ROBO1: variants seen among roughly 807,000 people sequenced by gnomAD.
The protein encoded by ROBO1 is roundabout guidance receptor 1.
A neutral mutation model predicts 195.9 loss-of-function variants in ROBO1; 149 were observed. The observed-to-expected ratio is 0.76, with a 90% CI of 0.67 to 0.87. ROBO1 has a LOEUF of 0.87. Among genes scored for constraint, ROBO1 ranks in the 40% least tolerant of loss-of-function variants. ROBO1 has a pLI of 0.00. For synonymous variants in ROBO1, 816 were observed against 733.2 expected, an observed-to-expected ratio of 1.11 and a Z score of -1.82; for missense variants, 1,933 against 2,068.3, an observed-to-expected ratio of 0.93 and a Z score of 1.27.
intron 2 of ROBO1, among the ~76,000 whole-genome samples, chr3:79,257,851 A>G (rs2082867097): frequency 6.6e-6 from 1 of 152,166 alleles, no homozygotes; most frequent in Admixed American, 6.5e-5. Context: ...TCCTAAACCA[A>G]AAATGATGAC....
intron 3 of ROBO1, among the ~76,000 whole-genome samples, chr3:79,021,612 T>C (rs929943046): frequency 6.6e-6 from 1 of 151,250 alleles, no homozygotes; most frequent in Non-Finnish European, 1.5e-5. Context: ...TCAACTTCAG[T>C]AAGCAACACC....
rs112492144 is a variant in ROBO1 at position 78,691,437 on chromosome 3, C to T, written c.1046-2665G>A. Among the ~76,000 whole-genome samples the T allele has an allele frequency of 2.9e-3, 438 of 152,182 alleles. 3 individuals carry two copies. The highest frequency in any genetic ancestry group is 9.8e-3 in the African/African-American group (409 of 41,526). ...ATTCTGCCATAGAAATTGGGTCATA[C>T]TATTTAAAAAAATTCATTTTAAGGA... On this transcript the variant is annotated intron_variant, in intron 8 of 30. Transcript: ENST00000464233.
At chr3:79,659,916 G>C (rs79696518) in intron 1 of ROBO1, among the ~76,000 whole-genome samples, 1 of 152,144 alleles carries the variant, frequency 6.6e-6, no homozygotes, top group African/African-American at 2.4e-5. Context: ...TGCTGCCAAA[G>C]ACACAACATG....
intron 3 of ROBO1, among the ~76,000 whole-genome samples, chr3:78,971,769 G>A (rs2076773610): frequency 1.3e-5 from 2 of 152,052 alleles, no homozygotes; most frequent in Non-Finnish European, 2.9e-5. Context: ...GTTGTTGTTT[G>A]TTTGTTTGTT....
chr3:78,980,990 T>C (rs1263486341), intron 3 of ROBO1, among the ~76,000 whole-genome samples: 1 of 152,180 alleles, frequency 6.6e-6, no homozygotes, highest in Non-Finnish European at 1.5e-5. Context: ...CAGTCATTCG[T>C]ATAAAACATG....
intron 1 of ROBO1, among the ~76,000 whole-genome samples, chr3:79,625,832 G>A (rs982214282): frequency 6.6e-6 from 1 of 152,132 alleles, no homozygotes; most frequent in African/African-American, 2.4e-5. Flanking sequence ...AATTGAAAAG[G>A]GGGGACGCCT....
At chr3:78,860,693 C>T (rs1403191664) in intron 4 of ROBO1, among the ~76,000 whole-genome samples, 2 of 152,112 alleles carry the variant, frequency 1.3e-5, no homozygotes, top group African/African-American at 4.8e-5. Context: ...TCGGCTCCAC[C>T]AGAGGTACAT....
intron 2 of ROBO1, among the ~76,000 whole-genome samples, chr3:79,512,234 C>T (rs772891100): frequency 4.6e-5 from 7 of 151,964 alleles, no homozygotes; most frequent in Admixed American, 3.9e-4. Context: ...CTACTTTATA[C>T]GTGAATATAG....
chr3:79,491,732 G>A (rs1939464311), intron 2 of ROBO1, among the ~76,000 whole-genome samples: 1 of 151,802 alleles, frequency 6.6e-6, no homozygotes, highest in Admixed American at 6.6e-5. Flanking sequence ...GAGGTAGGAA[G>A]ACGGGAAGAA....
chr3:79,219,344 T>C (rs541500003), intron 2 of ROBO1, among the ~76,000 whole-genome samples: 4 of 152,124 alleles, frequency 2.6e-5, no homozygotes, highest in Admixed American at 1.3e-4. Flanking sequence ...AATTATGATA[T>C]ATTAGTTGCA....
intron 3 of ROBO1, among the ~76,000 whole-genome samples, chr3:79,120,817 T>G (rs1057039096): frequency 6.6e-6 from 1 of 152,142 alleles, no homozygotes; most frequent in Non-Finnish European, 1.5e-5. Context: ...TGAAGCAGAC[T>G]CATCTAAGGA....
intron 8 of ROBO1, among the ~76,000 whole-genome samples, chr3:78,698,423 A>G (rs1005559652): frequency 6.6e-6 from 1 of 152,238 alleles, no homozygotes; most frequent in African/African-American, 2.4e-5. Flanking sequence ...TTAAGACATA[A>G]CAATAAAGAG....
intron 3 of ROBO1, among the ~76,000 whole-genome samples, chr3:79,005,344 G>A (rs2077596374): frequency 6.6e-6 from 1 of 152,154 alleles, no homozygotes; most frequent in African/African-American, 2.4e-5. Context: ...GCCCCTGATA[G>A]ATGTCTTACA....
intron 5 of ROBO1, among the ~76,000 whole-genome samples, chr3:78,734,540 G>A (rs768058080): frequency 1.3e-5 from 2 of 151,066 alleles, no homozygotes; most frequent in African/African-American, 2.4e-5. Flanking sequence ...CAGCCTGGAC[G>A]ACAGAGAGAT....
intron 26 of ROBO1, among the ~76,000 whole-genome samples, chr3:78,620,091 A>C (rs1387190472): frequency 6.6e-6 from 1 of 152,124 alleles, no homozygotes; most frequent in Non-Finnish European, 1.5e-5. Context: ...CAAACAAAAC[A>C]AAACCATACA....
chr3:78,943,859 A>G (rs987423841), intron 3 of ROBO1, among the ~76,000 whole-genome samples: 2 of 152,190 alleles, frequency 1.3e-5, no homozygotes, highest in African/African-American at 2.4e-5. Context: ...CAGAAATCTC[A>G]CATTTCTCAT....
chr3:78,622,832 G>C (rs1337773222), intron 26 of ROBO1, among the ~76,000 whole-genome samples: 1 of 152,184 alleles, frequency 6.6e-6, no homozygotes, highest in Non-Finnish European at 1.5e-5. Flanking sequence ...TATATGGTGA[G>C]ACCTGGAGGA....
chr3:79,370,620 G>T (rs1443828031), intron 2 of ROBO1, among the ~76,000 whole-genome samples: 1 of 150,850 alleles, frequency 6.6e-6, no homozygotes, highest in East Asian at 1.9e-4. Flanking sequence ...CTTCAACAGG[G>T]TGTTATGATG....
chr3:79,519,348 T>C (rs1370753882), intron 2 of ROBO1, among the ~76,000 whole-genome samples: 1 of 151,868 alleles, frequency 6.6e-6, no homozygotes, highest in Non-Finnish European at 1.5e-5. Flanking sequence ...ATAAGAAGTG[T>C]GGCCGGGCCT....
Sources: allele counts gnomAD v4.1 joint callset (sites outside exome capture counted in the v4.1 genomes callset), GRCh38; gene constraint gnomAD v4.1.1; transcripts MANE v1.5; gene names NCBI Gene and HGNC (gene_info 2026-07-23, HGNC 2026-07-21).